The following PTK2 variants were observed in gnomAD, a reference collection of about 807,000 sequenced individuals.
PTK2 encodes protein tyrosine kinase 2.
Under a neutral mutation model 150.1 loss-of-function variants are expected in PTK2, and 45 were observed. The observed-to-expected ratio is 0.30, with a 90% CI of 0.24 to 0.38. The LOEUF (loss-of-function observed/expected upper bound fraction) is 0.38. Among genes scored for constraint, PTK2 ranks in the 10% least tolerant of loss-of-function variants. The pLI is 1.00. For missense variants in PTK2, 919 were observed against 1,307.3 expected, an observed-to-expected ratio of 0.70 and a Z score of 4.58; for synonymous variants, 432 against 449.2, an observed-to-expected ratio of 0.96 and a Z score of 0.48.
At chr8:140,698,803 T>C (rs1414510807) in intron 26 of PTK2, among the ~76,000 whole-genome samples, 2 of 152,134 alleles carry the variant, frequency 1.3e-5, no homozygotes, top group Admixed American at 1.3e-4. Flanking sequence ...TTAGTACAGA[T>C]GGGGTTTTGC....
intron 7 of PTK2, among the ~76,000 whole-genome samples, chr8:140,836,421 T>G (rs918141222): frequency 2.6e-5 from 4 of 152,220 alleles, no homozygotes; most frequent in Non-Finnish European, 5.9e-5. Flanking sequence ...TCTTAGGCTA[T>G]GAGGTGGCTA....
At position 140,701,333 on chromosome 8, in the gene PTK2, A is replaced by G. The variant is rs578154190; in HGVS notation, c.2368-311T>C. Among the ~76,000 whole-genome samples the G allele has an allele frequency of 6.1e-4, 93 of 152,370 alleles. 1 individual carries two copies. The highest frequency in any genetic ancestry group is 2.3e-3 in the South Asian group (11 of 4,830). On this transcript the variant is annotated intron_variant, in intron 25 of 31. Transcript: ENST00000522684. ...AAAAAGTAGAAACAATCTAGAAGTA[A>G]TAGAAGGCTGAAATACAATACATAT...
intron 7 of PTK2, among the ~76,000 whole-genome samples, chr8:140,843,358 T>C (rs1468485150): frequency 6.6e-6 from 1 of 152,202 alleles, no homozygotes; most frequent in East Asian, 1.9e-4. Flanking sequence ...CTGTATCCTT[T>C]TGACAGTATG....
At chr8:140,792,299 C>A (rs2100088955) in intron 13 of PTK2, among the ~76,000 whole-genome samples, 1 of 152,184 alleles carries the variant, frequency 6.6e-6, no homozygotes, top group Non-Finnish European at 1.5e-5. Flanking sequence ...GTAAAAAGAA[C>A]CCTCAATAAA....
chr8:140,725,635 GAGA>G (rs2100045291), intron 22 of PTK2, among the ~76,000 whole-genome samples: 1 of 152,220 alleles, frequency 6.6e-6, no homozygotes, highest in Non-Finnish European at 1.5e-5. Context: ...AAGACAGGCA[GAGA>G]AGGAGTGCTT....
rs189314591 is a variant in PTK2, at chr8:140,754,850, A to G, written c.1333-2534T>C. 2.3e-3 allele frequency among the ~76,000 whole-genome samples: 352 copies of G among 152,348 alleles called. 2 individuals are homozygous for G. The highest frequency in any genetic ancestry group is 3.9e-3 in the Non-Finnish European group (267 of 68,046). ...CCAGTTACAGAGATCGGACTGCTGG[A>G]GAATGGGTCAGTTCAAAGTAAGTAA... is the stretch of plus-strand genomic sequence containing the variant. On this transcript the variant is annotated intron_variant, in intron 16 of 31. Transcript: ENST00000522684.
intron 10 of PTK2, among the ~76,000 whole-genome samples, chr8:140,805,127 T>C (rs1397392676): frequency 6.6e-6 from 1 of 152,160 alleles, no homozygotes; most frequent in East Asian, 1.9e-4. Context: ...CCCTGTCATC[T>C]CCCTGGAACT....
At chr8:140,787,852 G>A (rs927109040) in intron 14 of PTK2, among the ~76,000 whole-genome samples, 64 of 152,302 alleles carry the variant, frequency 4.2e-4, no homozygotes, top group African/African-American at 1.5e-3. Context: ...ACGGACCAAA[G>A]GGCCTGCGAG....
At chr8:140,921,058 G>C (rs1280518667) in intron 2 of PTK2, 2 of 1,316,810 alleles carry the variant, frequency 1.5e-6, no homozygotes, top group Non-Finnish European at 9.6e-7. Context: ...AATTTGGAAG[G>C]TGTTCCTTCT....
exon 1 of PTK2, chr8:141,001,194 C>G (rs148639490): frequency 0.034 from 5,118 of 150,436 alleles, 123 homozygotes; most frequent in Non-Finnish European, 0.052. Context: ...ACAGCAGCCG[C>G]GCTTCCTCCC....
intron 7 of PTK2, among the ~76,000 whole-genome samples, chr8:140,834,122 G>A (rs770059963): frequency 1.4e-4 from 22 of 152,178 alleles, no homozygotes; most frequent in Non-Finnish European, 2.5e-4. Context: ...TTCCATTGTC[G>A]CAGAAAGCTG....
intron 16 of PTK2, among the ~76,000 whole-genome samples, chr8:140,754,234 G>T (rs1395171707): frequency 6.6e-6 from 1 of 152,240 alleles, no homozygotes; most frequent in Non-Finnish European, 1.5e-5. Context: ...TTGGAGGACA[G>T]AGTAGTTGGC....
intron 1 of PTK2, among the ~76,000 whole-genome samples, chr8:140,949,164 T>G (rs141831797): frequency 6.6e-6 from 1 of 152,206 alleles, no homozygotes; most frequent in Admixed American, 6.5e-5. Context: ...ATATTTCTTA[T>G]GATCTTCTTA....
chr8:140,737,893 G>A (rs1398426554), intron 21 of PTK2, among the ~76,000 whole-genome samples: 1 of 152,132 alleles, frequency 6.6e-6, no homozygotes, highest in Non-Finnish European at 1.5e-5. Flanking sequence ...ACATCAACTG[G>A]ACTTCAGAGC....
At chr8:140,943,318 G>A (rs2100176500) in intron 1 of PTK2, among the ~76,000 whole-genome samples, 1 of 152,186 alleles carries the variant, frequency 6.6e-6, no homozygotes, top group African/African-American at 2.4e-5. Context: ...TTACCAAAAT[G>A]TTATATAAAT....
chr8:140,926,856 A>T (rs534341040), intron 1 of PTK2, among the ~76,000 whole-genome samples: 48 of 152,344 alleles, frequency 3.2e-4, no homozygotes, highest in Non-Finnish European at 6.0e-4. Context: ...CATTATCTAA[A>T]AAGGCAAAGA....
chr8:140,862,665 C>T (rs1034678742), intron 5 of PTK2, among the ~76,000 whole-genome samples: 4 of 152,146 alleles, frequency 2.6e-5, no homozygotes, highest in East Asian at 1.9e-4. Context: ...CGAGCATTAC[C>T]GCCTGAGCTC....
At chr8:140,827,186 C>A (rs150767351) in intron 8 of PTK2, among the ~76,000 whole-genome samples, 2,796 of 152,238 alleles carry the variant, frequency 0.018, 50 homozygotes, top group South Asian at 0.042. Flanking sequence ...CCCCTCAACT[C>A]CTACCTCAGC....
chr8:140,864,230 A>C, intron 5 of PTK2, 82 bp downstream of exon 5: 1 of 781,202 alleles, frequency 1.3e-6, no homozygotes, highest in Non-Finnish European at 1.9e-6. Context: ...CGTGAGCTTT[A>C]ATCAAATTTG....
Sources: gnomAD v4.1 joint callset for allele counts (sites outside exome capture counted in the v4.1 genomes callset) on GRCh38, gnomAD v4.1.1 for gene constraint, MANE v1.5 for transcripts, NCBI Gene and HGNC (gene_info 2026-07-23, HGNC 2026-07-21) for gene names.